The following DAAM1 variants were observed in gnomAD, a reference collection of about 807,000 sequenced individuals.
The protein encoded by DAAM1 is dishevelled associated activator of morphogenesis 1, also known as disheveled-associated activator of morphogenesis 1.
Under a neutral mutation model 130.0 loss-of-function variants are expected in DAAM1, and 52 were observed. That is an observed-to-expected ratio of 0.40 (90% CI 0.32 to 0.50). DAAM1 has a LOEUF of 0.50. DAAM1 is among the 20% of genes least tolerant of loss of function. The probability of loss-of-function intolerance (pLI) is 0.61; values close to 1 mark genes in which losing one functional copy is unlikely to be tolerated. For missense variants in DAAM1, 1,134 were observed against 1,303.8 expected (o/e 0.87, Z 2.01); for synonymous variants, 452 against 444.5 (o/e 1.02, Z -0.21).
chr14:59,229,478 T>A (rs775243973), intron 1 of DAAM1, among the ~76,000 whole-genome samples: 5 of 152,216 alleles, frequency 3.3e-5, no homozygotes, highest in Non-Finnish European at 7.3e-5. Context: ...CACTTCACAT[T>A]GCTCTTCAGA....
chr14:59,188,733 G>C lies in DAAM1; in HGVS notation c.-73G>C, dbSNP rs372951510. 15 of 153,112 alleles carry C rather than the reference G, an allele frequency of 9.8e-5. No individual in the cohort carries two copies. The highest frequency in any genetic ancestry group is 3.6e-4 in the African/African-American group (15 of 41,590). The allele number at this position is 153,112 out of a possible 1,614,324, so 9.5% of individuals were successfully genotyped here. A position where few individuals can be genotyped will look rare whatever the true frequency, so the allele number is the denominator to read the frequency against. On this transcript the variant is annotated 5_prime_UTR_variant, in exon 1 of 25. Coordinates refer to ENST00000360909, the MANE Select transcript of DAAM1 (RefSeq NM_001270520.2). Reference sequence around the variant, plus strand: ...AACCGGATCCCATTGTACCCAGAGTGCAGAGCCGCCTTTCCAGCATGCAGG... The same window carrying C: ...AACCGGATCCCATTGTACCCAGAGTCCAGAGCCGCCTTTCCAGCATGCAGG...
At chr14:59,194,012 A>G (rs1296477969) in intron 1 of DAAM1, among the ~76,000 whole-genome samples, 1 of 152,212 alleles carries the variant, frequency 6.6e-6, no homozygotes, top group East Asian at 1.9e-4. Context: ...TTTTATTGCC[A>G]TGTTCTAGAT....
intron 1 of DAAM1, 37 bp from the exon 2 acceptor site, chr14:59,263,403 TC>T: frequency 1.9e-6 from 3 of 1,568,762 alleles, no homozygotes; most frequent in Admixed American, 1.7e-5. Flanking sequence ...TTTTATCTGT[TC>T]CTGTACTCTT....
chr14:59,353,969 A>G lies in DAAM1; in HGVS notation c.2356+5A>G. 6.2e-7 allele frequency: 1 copy of G among 1,613,288 alleles called. No individual in the cohort carries two copies. Among genetic ancestry groups the G allele is most frequent in the Non-Finnish European group, 8.5e-7 (1 of 1,179,424 alleles). ...AAGTGAAACCTAAAGTGGAAGGTAA[A>G]GTCAAGCTGTCTAGATTGGAAATGA... On this transcript the variant is annotated splice_donor_5th_base_variant and intron_variant, in intron 19 of 24. Coordinates refer to ENST00000360909, the MANE Select transcript of DAAM1 (RefSeq NM_001270520.2).
chr14:59,272,668 T>TATGC (rs1882774839), intron 2 of DAAM1, among the ~76,000 whole-genome samples: 1 of 151,410 alleles, frequency 6.6e-6, no homozygotes, highest in African/African-American at 2.4e-5. Context: ...TGTATGTATG[T>TATGC]AGGAGAGAGG....
chr14:59,344,823 T>C (rs371435540), intron 16 of DAAM1, among the ~76,000 whole-genome samples: 28 of 152,346 alleles, frequency 1.8e-4, no homozygotes, highest in East Asian at 9.6e-4. Context: ...AATGCAAATC[T>C]GATACTTCAA....
intron 1 of DAAM1, among the ~76,000 whole-genome samples, chr14:59,215,532 C>G (rs908765483): frequency 1.1e-4 from 17 of 152,216 alleles, no homozygotes; most frequent in African/African-American, 2.4e-5. Flanking sequence ...CTGCAGGCGG[C>G]AGCCGCTGCA....
At chr14:59,339,361 C>T (rs1032116869) in intron 15 of DAAM1, among the ~76,000 whole-genome samples, 6 of 152,208 alleles carry the variant, frequency 3.9e-5, no homozygotes, top group African/African-American at 1.2e-4. Flanking sequence ...ATTACCAATA[C>T]TCCTGATGCT....
At chr14:59,327,398 G>GTTTTT (rs1338982717) in intron 12 of DAAM1, among the ~76,000 whole-genome samples, 36 of 72,682 alleles carry the variant, frequency 5.0e-4, no homozygotes, top group African/African-American at 6.6e-4. Context: ...AGGTCACTTG[G>GTTTTT]TTTCTTTTTT....
intron 1 of DAAM1, among the ~76,000 whole-genome samples, chr14:59,228,290 G>C (rs1444239656): frequency 6.6e-6 from 1 of 152,026 alleles, no homozygotes; most frequent in East Asian, 1.9e-4. Context: ...GGATCTAATG[G>C]TTTCCCATGA....
In DAAM1 at chr14:59,244,417, C is replaced by T. The variant is rs374583480; in HGVS notation, c.-37-19024C>T. 2.8e-4 allele frequency among the ~76,000 whole-genome samples: 43 copies of T among 152,282 alleles called. No individual in the cohort carries two copies. In the South Asian group the frequency reaches 7.7e-3, roughly 27 times the overall value. Reference sequence around the variant, plus strand: ...CACTCACTCCCATGCTGTTTCTTTTCTCACATAGCTCCTGGAATGCTGAGA... The same window carrying T: ...CACTCACTCCCATGCTGTTTCTTTTTTCACATAGCTCCTGGAATGCTGAGA... On this transcript the variant is annotated intron_variant, in intron 1 of 24. Transcript: ENST00000360909.
intron 23 of DAAM1, 66 bp from the exon 24 acceptor site, chr14:59,367,363 A>G (rs1325835704): frequency 1.3e-6 from 2 of 1,525,970 alleles, no homozygotes; most frequent in Non-Finnish European, 1.8e-6. Context: ...GTCTTTCTCA[A>G]GTTATTTATA....
intron 3 of DAAM1, among the ~76,000 whole-genome samples, chr14:59,292,952 A>G (rs888366027): frequency 1.3e-5 from 2 of 152,238 alleles, no homozygotes; most frequent in Admixed American, 6.5e-5. Flanking sequence ...TAATACACTG[A>G]GAAGGAATTT....
chr14:59,300,511 CCT>C (rs1157704869), intron 3 of DAAM1, among the ~76,000 whole-genome samples: 1 of 152,182 alleles, frequency 6.6e-6, no homozygotes, highest in Admixed American at 6.5e-5. Context: ...TGATAACTTT[CCT>C]CTCAAGTCAT....
At chr14:59,338,162 A>G (rs1384810280) in intron 15 of DAAM1, among the ~76,000 whole-genome samples, 1 of 152,168 alleles carries the variant, frequency 6.6e-6, no homozygotes, top group Admixed American at 6.5e-5. Flanking sequence ...AGCAAATGTC[A>G]TCGTCTTTCT....
At chr14:59,321,983 T>C (rs1454584975) in intron 5 of DAAM1, among the ~76,000 whole-genome samples, 22 of 152,204 alleles carry the variant, frequency 1.4e-4, no homozygotes. Flanking sequence ...GTAAGAAATA[T>C]TAATAACGTT....
chr14:59,300,396 C>T (rs1185735920), intron 3 of DAAM1, among the ~76,000 whole-genome samples: 2 of 152,154 alleles, frequency 1.3e-5, no homozygotes, highest in Non-Finnish European at 2.9e-5. Context: ...AGCACATTTG[C>T]AGATAATGTT....
chr14:59,354,747 A>C (rs562115760), intron 19 of DAAM1, among the ~76,000 whole-genome samples: 1 of 152,376 alleles, frequency 6.6e-6, no homozygotes, highest in African/African-American at 2.4e-5. Flanking sequence ...GACACCTGCA[A>C]GCTATGACAT....
intron 15 of DAAM1, among the ~76,000 whole-genome samples, chr14:59,339,648 G>A (rs576705489): frequency 1.3e-5 from 2 of 152,286 alleles, no homozygotes; most frequent in African/African-American, 4.8e-5. Flanking sequence ...TGCTCACAAT[G>A]CAGATGGTTC....
Sources: allele counts gnomAD v4.1 joint callset (sites outside exome capture counted in the v4.1 genomes callset), GRCh38; gene constraint gnomAD v4.1.1; transcripts MANE v1.5; gene names NCBI Gene and HGNC (gene_info 2026-07-23, HGNC 2026-07-21).